Variants in CCDC91 observed in about 807,000 individuals in gnomAD.
The protein encoded by CCDC91 is coiled-coil domain containing 91.
In CCDC91, 48 loss-of-function variants were observed where a neutral mutation model predicts 63.2. That is an observed-to-expected ratio of 0.76 (90% CI 0.60 to 0.97). The LOEUF (loss-of-function observed/expected upper bound fraction) is 0.97. CCDC91 is among the 50% of genes least tolerant of loss of function. The probability of loss-of-function intolerance (pLI) is 0.00; values close to 1 mark genes in which losing one functional copy is unlikely to be tolerated. For missense variants in CCDC91, 500 were observed against 494.6 expected (o/e 1.01, Z -0.10); for synonymous variants, 167 against 165.8 (o/e 1.01, Z -0.06).
intron 7 of CCDC91, among the ~76,000 whole-genome samples, chr12:28,382,923 T>A (rs1473927205): frequency 2.0e-5 from 3 of 152,062 alleles, no homozygotes; most frequent in Non-Finnish European, 4.4e-5. Context: ...TCACAAGGAA[T>A]AATGTGGCAT....
intron 8 of CCDC91, among the ~76,000 whole-genome samples, chr12:28,418,543 G>A (rs1461213291): frequency 1.3e-5 from 2 of 152,028 alleles, no homozygotes; most frequent in African/African-American, 4.8e-5. Context: ...GATATAATGT[G>A]CCTTAATTGG....
chr12:28,499,389 G>C (rs1197016479), intron 12 of CCDC91, among the ~76,000 whole-genome samples: 2 of 151,466 alleles, frequency 1.3e-5, no homozygotes, highest in African/African-American at 4.8e-5. Context: ...TAAGTTCTGG[G>C]GTACATGTGC....
At chr12:28,371,095 A>G (rs551269672) in intron 7 of CCDC91, among the ~76,000 whole-genome samples, 6 of 151,472 alleles carry the variant, frequency 4.0e-5, no homozygotes, top group Non-Finnish European at 5.9e-5. Context: ...TATAAAGTCT[A>G]TTTTTTTCTG....
intron 11 of CCDC91, among the ~76,000 whole-genome samples, chr12:28,469,853 A>G (rs116023890): frequency 0.017 from 2,522 of 152,284 alleles, 75 homozygotes; most frequent in African/African-American, 0.057. Context: ...CAGTCTCTTC[A>G]GTAAATTGTG....
chr12:28,526,040 C>G (rs1225421347), intron 12 of CCDC91, among the ~76,000 whole-genome samples: 1 of 151,828 alleles, frequency 6.6e-6, no homozygotes, highest in Non-Finnish European at 1.5e-5. Flanking sequence ...GAATTCTTAT[C>G]TATTCGGCAA....
intron 3 of CCDC91, among the ~76,000 whole-genome samples, chr12:28,303,206 T>C (rs573332131): frequency 1.3e-5 from 2 of 152,282 alleles, no homozygotes; most frequent in African/African-American, 2.4e-5. Flanking sequence ...AGTGGAGTTA[T>C]GAAGATTGGG....
intron 1 of CCDC91, among the ~76,000 whole-genome samples, chr12:28,198,115 A>G (rs1941925083): frequency 6.6e-6 from 1 of 152,184 alleles, no homozygotes. Context: ...TTTGTGAAGT[A>G]TGAAATCACT....
At chr12:28,348,432 C>A (rs1162110964) in intron 6 of CCDC91, among the ~76,000 whole-genome samples, 1 of 152,174 alleles carries the variant, frequency 6.6e-6, no homozygotes, top group East Asian at 1.9e-4. Flanking sequence ...AGGTGGCCAC[C>A]CCAAGGCAGC....
chr12:28,215,975 A>G (rs1943537901), intron 1 of CCDC91, among the ~76,000 whole-genome samples: 2 of 152,144 alleles, frequency 1.3e-5, no homozygotes, highest in Non-Finnish European at 2.9e-5. Context: ...CTTATGCTGA[A>G]TAATGCTGCT....
intron 3 of CCDC91, among the ~76,000 whole-genome samples, chr12:28,294,742 A>G (rs1465428574): frequency 6.6e-6 from 1 of 151,532 alleles, no homozygotes; most frequent in Non-Finnish European, 1.5e-5. Flanking sequence ...GTGCCACTAC[A>G]CCCAGCTAAT....
At chr12:28,426,997 A>G (rs2097014414) in intron 8 of CCDC91, among the ~76,000 whole-genome samples, 1 of 152,124 alleles carries the variant, frequency 6.6e-6, no homozygotes, top group Non-Finnish European at 1.5e-5. Flanking sequence ...CAAGTTCCTT[A>G]AGTATTCCTG....
At chr12:28,317,138 C>T (rs1205574701) in intron 6 of CCDC91, among the ~76,000 whole-genome samples, 3 of 151,832 alleles carry the variant, frequency 2.0e-5, no homozygotes, top group Non-Finnish European at 4.4e-5. Context: ...ATGCCATACA[C>T]GTTTTGGGAC....
chr12:28,362,371 A>G lies in CCDC91; in HGVS notation c.577-67A>G, dbSNP rs900305816. The G allele has an allele frequency of 1.4e-5, 16 of 1,136,124 alleles. No individual in the cohort carries two copies. The African/African-American group carries it at 1.4e-4, about 10-fold the overall frequency. 70.4% of individuals were successfully genotyped at this position (1,136,124 alleles called of 1,614,324 possible). On this transcript the variant is annotated intron_variant, in intron 6 of 12. Coordinates refer to ENST00000536442, the MANE Select transcript of CCDC91 (RefSeq NM_018318.5). ...TCATTCGTGGAAGCAGCAAAAGTCT[A>G]TGGTTTTATTATTTTGAAAACAAAA...
At chr12:28,271,954 A>G (rs1383793793) in intron 3 of CCDC91, among the ~76,000 whole-genome samples, 1 of 150,198 alleles carries the variant, frequency 6.7e-6, no homozygotes, top group Admixed American at 6.7e-5. Context: ...CATTATTATT[A>G]GCAGTATTAT....
chr12:28,336,724 T>C (rs543727978), intron 6 of CCDC91, among the ~76,000 whole-genome samples: 1 of 152,230 alleles, frequency 6.6e-6, no homozygotes, highest in South Asian at 2.1e-4. Context: ...GGTCTGACAT[T>C]GTTCATGCTT....
At chr12:28,447,863 A>T (rs1949611494) in intron 8 of CCDC91, among the ~76,000 whole-genome samples, 1 of 117,292 alleles carries the variant, frequency 8.5e-6, no homozygotes, top group Non-Finnish European at 1.7e-5. Context: ...AGGGGAGGGG[A>T]AATTTTCCCC....
At chr12:28,367,768 GT>G (rs1944367001) in intron 7 of CCDC91, among the ~76,000 whole-genome samples, 1 of 151,958 alleles carries the variant, frequency 6.6e-6, no homozygotes, top group South Asian at 2.1e-4. Context: ...TTATTTGAAT[GT>G]TTTTGTGAGG....
chr12:28,347,761 GA>G (rs774472021), intron 6 of CCDC91, among the ~76,000 whole-genome samples: 156 of 152,118 alleles, frequency 1.0e-3, no homozygotes, highest in African/African-American at 3.4e-3. Context: ...TCAGGTAGGG[GA>G]AAAAAAGATA....
At chr12:28,299,521 C>G (rs1002661121) in intron 3 of CCDC91, among the ~76,000 whole-genome samples, 12 of 151,508 alleles carry the variant, frequency 7.9e-5, no homozygotes, top group African/African-American at 2.9e-4. Flanking sequence ...TTCTCATTCC[C>G]CTGCCTGTTG....
Sources: gnomAD v4.1 joint callset for allele counts (sites outside exome capture counted in the v4.1 genomes callset) on GRCh38, gnomAD v4.1.1 for gene constraint, MANE v1.5 for transcripts, NCBI Gene and HGNC (gene_info 2026-07-23, HGNC 2026-07-21) for gene names.